Variants in CHRNA9 observed in about 807,000 individuals in gnomAD.
The protein encoded by CHRNA9 is neuronal acetylcholine receptor subunit alpha-9.
In CHRNA9, 24 loss-of-function variants were observed where a neutral mutation model predicts 36.8. That is an observed-to-expected ratio of 0.65 (90% confidence interval 0.47 to 0.92). CHRNA9 has a LOEUF of 0.92. Among genes scored for constraint, CHRNA9 ranks in the 40% least tolerant of loss-of-function variants. The pLI, the probability that CHRNA9 is intolerant of heterozygous loss-of-function variation, is 0.00. For missense variants in CHRNA9, 610 were observed against 601.2 expected, an observed-to-expected ratio of 1.01 and a Z score of -0.15; for synonymous variants, 231 against 231.8, an observed-to-expected ratio of 1.00 and a Z score of 0.03.
chr4:40,354,117 C>T lies in CHRNA9; in HGVS notation c.1037C>T (p.Ser346Phe), dbSNP rs774856652. ...AGGGTGGTCATCCTGAAATACATGTCCAGGGTCTTGTTTGTCTATGATGTG... is the reference window on the plus strand; with the variant it reads ...AGGGTGGTCATCCTGAAATACATGTTCAGGGTCTTGTTTGTCTATGATGTG... ...WARVVILKYM[S>F]RVLFVYDVGE... The change falls in exon 5 of 5, where the codon TCC becomes TTC. Residue 346 changes from serine to phenylalanine, a missense_variant. Physicochemically the swap from Ser to Phe is radical, Grantham distance 155. Coordinates refer to ENST00000310169, the MANE Select transcript of CHRNA9 (RefSeq NM_017581.4). The T allele has an allele frequency of 5.6e-6, 9 of 1,614,070 alleles. No homozygotes were observed. In the Admixed American group the frequency reaches 1.0e-4, roughly 18 times the overall value.
rs1033310032 is a variant in CHRNA9, at chr4:40,335,405, A to G, written c.-63A>G. On this transcript the variant is annotated 5_prime_UTR_variant, in exon 1 of 5. Transcript: ENST00000310169. Reference sequence around the variant, plus strand: ...CCTTGTGCCCAGATCCTTTGTATTCATAGGGGGAAGTGGAAGACCACGCTG... The same window carrying G: ...CCTTGTGCCCAGATCCTTTGTATTCGTAGGGGGAAGTGGAAGACCACGCTG... 8.1e-7 allele frequency: 1 copy of G among 1,239,958 alleles called. No homozygotes were observed. The highest frequency in any genetic ancestry group is 2.3e-5 in the East Asian group (1 of 43,312). The allele number at this position is 1,239,958 out of a possible 1,614,324, so 76.8% of individuals were successfully genotyped here.
chr4:40,347,140 G>A (rs547732193), intron 3 of CHRNA9, among the ~76,000 whole-genome samples: 1 of 152,126 alleles, frequency 6.6e-6, no homozygotes, highest in East Asian at 1.9e-4. Context: ...AATAGCTTTT[G>A]AGGTACAAGT....
intron 2 of CHRNA9, 54 bp downstream of exon 2, chr4:40,336,026 C>T (rs916424476): frequency 5.5e-6 from 8 of 1,462,440 alleles, no homozygotes; most frequent in Non-Finnish European, 6.6e-6. Flanking sequence ...GATAAACAAC[C>T]ATGCTTTCTG....
chr4:40,348,645 A>G (rs1053165236), intron 3 of CHRNA9, among the ~76,000 whole-genome samples: 2 of 152,198 alleles, frequency 1.3e-5, no homozygotes, highest in African/African-American at 4.8e-5. Flanking sequence ...ACAGGAAGGG[A>G]CAGAGAGAAG....
chr4:40,339,092 A>T (rs1457001432), intron 3 of CHRNA9, among the ~76,000 whole-genome samples: 1 of 151,770 alleles, frequency 6.6e-6, no homozygotes, highest in African/African-American at 2.4e-5. Flanking sequence ...AGCCTTGCTA[A>T]CATGGTGAAA....
In CHRNA9 at chr4:40,337,216, A is replaced by C. The variant is rs1488416259; in HGVS notation, c.217A>C (p.Arg73=). 1.2e-6 allele frequency: 2 copies of C among 1,614,202 alleles called. No homozygotes were observed. Among genetic ancestry groups the C allele is most frequent in the Admixed American group, 1.7e-5 (1 of 60,028 alleles). The change falls in exon 3 of 5, where the codon AGA becomes CGA. Residue 73 remains arginine, a synonymous_variant. Coordinates refer to ENST00000310169, the MANE Select transcript of CHRNA9 (RefSeq NM_017581.4). ...TLSQIKDMDE[R]NQILTAYLWI... is the part of the protein sequence containing the mutation. ...ATCTGGATTCATTGTGTAGGATGAA[A>C]GAAACCAAATTCTGACTGCTTATTT...
chr4:40,353,876 G>T, intron 4 of CHRNA9, 103 bp from the exon 5 acceptor site: 1 of 1,078,938 alleles, frequency 9.3e-7, no homozygotes, highest in South Asian at 1.5e-5. Flanking sequence ...ATCACCTAAT[G>T]ACTAATACCT....
intron 2 of CHRNA9, 95 bp downstream of exon 2, chr4:40,336,067 G>A: frequency 9.3e-7 from 1 of 1,071,278 alleles, no homozygotes; most frequent in Non-Finnish European, 1.4e-6. Flanking sequence ...AATTTGAGAG[G>A]GAATGATAGC....
At chr4:40,353,365 C>A (rs1046877486) in intron 4 of CHRNA9, among the ~76,000 whole-genome samples, 1 of 152,092 alleles carries the variant, frequency 6.6e-6, no homozygotes, top group Non-Finnish European at 1.5e-5. Context: ...GTGGTGGGCG[C>A]CTGTAATCCC....
At chr4:40,351,773 A>C (rs1712811727) in intron 4 of CHRNA9, among the ~76,000 whole-genome samples, 1 of 152,210 alleles carries the variant, frequency 6.6e-6, no homozygotes, top group African/African-American at 2.4e-5. Flanking sequence ...CAATGTCGTG[A>C]ATTACATCAA....
intron 3 of CHRNA9, among the ~76,000 whole-genome samples, chr4:40,347,250 T>TA (rs1267508115): frequency 4.6e-5 from 7 of 152,208 alleles, no homozygotes; most frequent in African/African-American, 1.7e-4. Context: ...GTAGTTTTTT[T>TA]ATCCCTTACC....
At chr4:40,340,973 C>CAAAAAAAAAA (rs543449903) in intron 3 of CHRNA9, among the ~76,000 whole-genome samples, 36 of 64,972 alleles carry the variant, frequency 5.5e-4, no homozygotes, top group East Asian at 1.9e-3. Flanking sequence ...ATAAGCTCTC[C>CAAAAAAAAAA]AAAAAAAAAA....
intron 1 of CHRNA9, 109 bp from the exon 2 acceptor site, chr4:40,335,718 C>T: frequency 8.5e-7 from 1 of 1,178,716 alleles, no homozygotes; most frequent in South Asian, 1.4e-5. Context: ...CAAAGCTTGT[C>T]CCTCGCCAGT....
intron 3 of CHRNA9, chr4:40,348,183 C>CT (rs1260216146): frequency 6.6e-6 from 1 of 152,344 alleles, no homozygotes; most frequent in East Asian, 1.9e-4. Flanking sequence ...CCCAGCCGGC[C>CT]TTTGGCCAGG....
rs754755984 is a variant in CHRNA9 at position 40,354,003 on chromosome 4, C to A, written c.923C>A (p.Ala308Asp). ...LIGKYYIATM[A>D]LITASTALTI... ...GGTAAATACTACATAGCCACGATGG[C>A]CCTGATCACAGCCTCCACTGCGTTG... is the stretch of plus-strand genomic sequence containing the variant. Residue 308 changes from alanine to aspartate, a missense_variant, in exon 5 of 5, where the codon GCC (alanine) becomes GAC (aspartate). Coordinates refer to ENST00000310169, the MANE Select transcript of CHRNA9 (RefSeq NM_017581.4). 4.4e-6 allele frequency: 7 copies of A among 1,609,166 alleles called. No homozygotes were observed. The East Asian group carries it at 1.3e-4, about 31-fold the overall frequency.
chr4:40,344,998 A>G (rs1003948721), intron 3 of CHRNA9, among the ~76,000 whole-genome samples: 3 of 152,202 alleles, frequency 2.0e-5, no homozygotes, highest in African/African-American at 7.2e-5. Context: ...TATGAGTTGA[A>G]GAAAGAGTTT....
chr4:40,344,896 A>G, intron 3 of CHRNA9, among the ~76,000 whole-genome samples: 1 of 152,234 alleles, frequency 6.6e-6, no homozygotes, highest in South Asian at 2.1e-4. Context: ...AAGATATCTG[A>G]CTGGAGAGGC....
chr4:40,344,898 T>C (rs1437419283), intron 3 of CHRNA9, among the ~76,000 whole-genome samples: 2 of 152,174 alleles, frequency 1.3e-5, no homozygotes, highest in African/African-American at 4.8e-5. Context: ...GATATCTGAC[T>C]GGAGAGGCAG....
In CHRNA9 at chr4:40,335,439, A is replaced by T. The variant is rs1712285388; in HGVS notation, c.-29A>T. ...AGTGGAAGACCACGCTGCCTGACTG[A>T]GACTTTATTATAGAGGCTCAGGAAA... On this transcript the variant is annotated 5_prime_UTR_variant, in exon 1 of 5. Coordinates refer to ENST00000310169, the MANE Select transcript of CHRNA9 (RefSeq NM_017581.4). The T allele has an allele frequency of 6.3e-7, 1 of 1,583,868 alleles. No homozygotes were observed. Among genetic ancestry groups the T allele is most frequent in the African/African-American group, 1.3e-5 (1 of 74,362 alleles).
Sources: gnomAD v4.1 joint callset for allele counts (sites outside exome capture counted in the v4.1 genomes callset) on GRCh38, gnomAD v4.1.1 for gene constraint, MANE v1.5 for transcripts, NCBI Gene and HGNC (gene_info 2026-07-23, HGNC 2026-07-21) for gene names.